The following CNTLN variants were observed in gnomAD, a reference collection of about 807,000 sequenced individuals.
The protein encoded by CNTLN is centlein, centrosomal protein.
Under a neutral mutation model 180.0 loss-of-function variants are expected in CNTLN, and 212 were observed. The ratio of observed to expected loss-of-function variants is 1.18; its 90% CI spans 1.05 to 1.32. The LOEUF (loss-of-function observed/expected upper bound fraction) is 1.32. CNTLN is among the 40% of genes most tolerant of loss of function. The pLI is 0.00. For synonymous variants in CNTLN, 722 were observed against 563.1 expected, an observed-to-expected ratio of 1.28 and a Z score of -3.99; for missense variants, 2,095 against 1,610.9, an observed-to-expected ratio of 1.30 and a Z score of -5.14.
At chr9:17,325,374 ATGTATGTGTGTGTGTGTGTGTG>A (rs1307540861) in intron 8 of CNTLN, among the ~76,000 whole-genome samples, 1 of 110,590 alleles carries the variant, frequency 9.0e-6, no homozygotes, top group South Asian at 2.6e-4. Flanking sequence ...GTGCATGTGT[ATGTATGTGTGTGTGTGTGTGTG>A]TGTGTGTGTG....
chr9:17,332,384 A>G (rs1174547987), intron 9 of CNTLN, among the ~76,000 whole-genome samples: 2 of 152,090 alleles, frequency 1.3e-5, no homozygotes, highest in African/African-American at 2.4e-5. Flanking sequence ...GAAAGAAACA[A>G]TGTAAATGTA....
intron 5 of CNTLN, among the ~76,000 whole-genome samples, chr9:17,272,787 A>G (rs539583229): frequency 2.6e-5 from 4 of 152,192 alleles, no homozygotes; most frequent in South Asian, 4.2e-4. Flanking sequence ...TGCTAAGCAT[A>G]AAAATACATT....
chr9:17,208,762 G>C (rs1374379643), intron 2 of CNTLN, among the ~76,000 whole-genome samples: 3 of 152,078 alleles, frequency 2.0e-5, no homozygotes, highest in African/African-American at 7.2e-5. Flanking sequence ...GTTGCTCATA[G>C]TAGCTGCTAA....
At chr9:17,280,080 G>A (rs1828572926) in intron 6 of CNTLN, among the ~76,000 whole-genome samples, 1 of 152,076 alleles carries the variant, frequency 6.6e-6, no homozygotes, top group Non-Finnish European at 1.5e-5. Flanking sequence ...ATAACTGTAA[G>A]AAATAAATTC....
intron 25 of CNTLN, among the ~76,000 whole-genome samples, chr9:17,498,374 T>C (rs1006768143): frequency 1.3e-5 from 2 of 152,182 alleles, no homozygotes; most frequent in African/African-American, 4.8e-5. Flanking sequence ...GAGTAATAAA[T>C]TTAAGATTGT....
intron 5 of CNTLN, among the ~76,000 whole-genome samples, chr9:17,262,423 C>G (rs201878873): frequency 6.6e-6 from 1 of 151,378 alleles, no homozygotes; most frequent in African/African-American, 2.5e-5. Flanking sequence ...ACATCCTTTG[C>G]AGGGACATGG....
chr9:17,309,143 A>G lies in CNTLN; in HGVS notation c.1232A>G (p.Gln411Arg), dbSNP rs747841488. Residue 411 changes from glutamine (Q) to arginine (R), a missense_variant, in exon 8 of 26, where the codon CAG becomes CGG. Coordinates refer to ENST00000380647, the MANE Select transcript of CNTLN (RefSeq NM_017738.4). ...LRQSVTNLQDQLLQKEQENAK... is the reference protein window; with the variant it reads ...LRQSVTNLQDRLLQKEQENAK... ...CAAAGTGTTACTAATCTTCAGGATC[A>G]GCTATTACAAAAAGAGCAAGAAAAT... 1 of 1,611,110 alleles carries G rather than the reference A, an allele frequency of 6.2e-7. No individual in the cohort carries two copies. Among genetic ancestry groups the G allele is most frequent in the East Asian group, 2.2e-5 (1 of 44,760 alleles).
intron 14 of CNTLN, among the ~76,000 whole-genome samples, chr9:17,389,439 G>A (rs989865243): frequency 6.6e-6 from 1 of 151,832 alleles, no homozygotes; most frequent in African/African-American, 2.4e-5. Context: ...CTTGCCTTAG[G>A]GTAGAAACCC....
intron 15 of CNTLN, 134 bp downstream of exon 15, chr9:17,395,203 T>C (rs1355115700): frequency 1.5e-6 from 2 of 1,331,184 alleles, no homozygotes; most frequent in Non-Finnish European, 2.0e-6. Context: ...TGAAATATCT[T>C]GGGAGGTCTT....
intron 6 of CNTLN, among the ~76,000 whole-genome samples, chr9:17,281,529 G>A (rs373066670): frequency 4.9e-4 from 75 of 151,690 alleles, no homozygotes; most frequent in African/African-American, 1.5e-3. Flanking sequence ...CTCCCACTAC[G>A]TGCAGTGTTT....
chr9:17,393,681 A>G (rs1013262292), intron 14 of CNTLN, among the ~76,000 whole-genome samples: 3 of 152,192 alleles, frequency 2.0e-5, no homozygotes, highest in Non-Finnish European at 4.4e-5. Context: ...TTTTGAAACT[A>G]TTTTGTAAAT....
At chr9:17,190,019 C>G (rs574302241) in intron 2 of CNTLN, among the ~76,000 whole-genome samples, 1 of 151,780 alleles carries the variant, frequency 6.6e-6, no homozygotes, top group African/African-American at 2.4e-5. Flanking sequence ...CAATGCAGCT[C>G]CATCCTCTAG....
At chr9:17,489,620 T>C (rs1262065529) in intron 25 of CNTLN, among the ~76,000 whole-genome samples, 1 of 152,070 alleles carries the variant, frequency 6.6e-6, no homozygotes, top group Non-Finnish European at 1.5e-5. Context: ...TGATAAAATA[T>C]TCACCACAAA....
chr9:17,441,298 A>T (rs144768088), intron 18 of CNTLN, among the ~76,000 whole-genome samples: 197 of 152,324 alleles, frequency 1.3e-3, no homozygotes, highest in African/African-American at 4.5e-3. Context: ...GTAAAGGTAA[A>T]CAGTGGTGTG....
At chr9:17,366,117 C>T (rs1823796017) in intron 12 of CNTLN, among the ~76,000 whole-genome samples, 1 of 152,002 alleles carries the variant, frequency 6.6e-6, no homozygotes, top group South Asian at 2.1e-4. Flanking sequence ...TGGATTTGGG[C>T]ATATTATTAC....
the CNTLN span, among the ~76,000 whole-genome samples, chr9:17,512,964 C>T: frequency 6.6e-6 from 1 of 152,036 alleles, no homozygotes; most frequent in African/African-American, 2.4e-5. Flanking sequence ...CTACAGGCGC[C>T]CACCACTATG....
the CNTLN span, among the ~76,000 whole-genome samples, chr9:17,524,354 G>C: frequency 6.6e-6 from 1 of 152,216 alleles, no homozygotes; most frequent in African/African-American, 2.4e-5. Flanking sequence ...CTAAAGGCAG[G>C]AGAAGACTGA....
chr9:17,158,957 C>G (rs942824194), intron 2 of CNTLN, among the ~76,000 whole-genome samples: 3 of 151,924 alleles, frequency 2.0e-5, no homozygotes, highest in African/African-American at 7.3e-5. Flanking sequence ...TTTTCCACTT[C>G]CTTGATATAG....
At chr9:17,357,654 GA>G (rs1012720606) in intron 12 of CNTLN, among the ~76,000 whole-genome samples, 6 of 147,860 alleles carry the variant, frequency 4.1e-5, no homozygotes, top group African/African-American at 1.5e-4. Flanking sequence ...TTTTCTTAAA[GA>G]ATTACATAAG....
Sources: allele counts gnomAD v4.1 joint callset (sites outside exome capture counted in the v4.1 genomes callset), GRCh38; gene constraint gnomAD v4.1.1; transcripts MANE v1.5; gene names NCBI Gene and HGNC (gene_info 2026-07-23, HGNC 2026-07-21).